CAMTA1: variants seen among roughly 807,000 people sequenced by gnomAD.
CAMTA1 encodes the protein calmodulin binding transcription activator 1.
Under a neutral mutation model 170.9 loss-of-function variants are expected in CAMTA1, and 27 were observed. The observed-to-expected ratio is 0.16, with a 90% CI of 0.12 to 0.22. The LOEUF is 0.22. Ranked by LOEUF, CAMTA1 falls within the 10% of genes least tolerant of loss-of-function variation. The pLI, the probability that CAMTA1 is intolerant of heterozygous loss-of-function variation, is 1.00. For missense variants in CAMTA1, 1,619 were observed against 2,217.2 expected (o/e 0.73, Z 5.42); for synonymous variants, 833 against 891.5 (o/e 0.93, Z 1.17).
intron 16 of CAMTA1, among the ~76,000 whole-genome samples, chr1:7,743,349 T>C (rs2096832086): frequency 6.6e-6 from 1 of 152,260 alleles, no homozygotes; most frequent in East Asian, 1.9e-4. Context: ...AATTTACGTA[T>C]GATAAAATTT....
chr1:7,206,807 G>A (rs1657822320), intron 4 of CAMTA1, among the ~76,000 whole-genome samples: 1 of 152,138 alleles, frequency 6.6e-6, no homozygotes, highest in South Asian at 2.1e-4. Flanking sequence ...TTGTCAGTCT[G>A]AGGGAGTGCA....
intron 5 of CAMTA1, among the ~76,000 whole-genome samples, chr1:7,392,524 G>A (rs1304343325): frequency 3.4e-5 from 5 of 148,748 alleles, no homozygotes; most frequent in Admixed American, 6.7e-5. Flanking sequence ...CAAAGTGCTG[G>A]GATTACAGGC....
chr1:7,353,903 T>C (rs532677747), intron 5 of CAMTA1, among the ~76,000 whole-genome samples: 1 of 152,244 alleles, frequency 6.6e-6, no homozygotes, highest in African/African-American at 2.4e-5. Flanking sequence ...ATCCTCACCT[T>C]CTGCCCACCC....
chr1:7,518,561 G>C (rs978810061), intron 6 of CAMTA1, among the ~76,000 whole-genome samples: 1 of 151,936 alleles, frequency 6.6e-6, no homozygotes. Context: ...GCGTGTTGTC[G>C]GGCCGCCTTG....
At chr1:7,198,026 A>T (rs577723255) in intron 4 of CAMTA1, among the ~76,000 whole-genome samples, 15 of 152,194 alleles carry the variant, frequency 9.9e-5, no homozygotes, top group African/African-American at 3.6e-4. Context: ...GGTTCGGGAG[A>T]CATCTGTTCT....
rs1258786488 is a variant in CAMTA1 at position 6,990,815 on chromosome 1, ATATATT to A, written c.235-100483_235-100478del. 4.6e-3 allele frequency among the ~76,000 whole-genome samples: 695 copies of A among 149,942 alleles called. 2 individuals carry two copies. The highest frequency in any genetic ancestry group is 8.0e-3 in the South Asian group (38 of 4,746). ...TCTCTCTCTCTCTCTCTATATATAT[ATATATT>A]TATATATATATGTGTGTGTGTGTTT... On this transcript the variant is annotated intron_variant, in intron 3 of 22. Coordinates refer to ENST00000303635, the MANE Select transcript of CAMTA1 (RefSeq NM_015215.4).
chr1:7,568,459 TCAC>T (rs2095074488), intron 6 of CAMTA1, among the ~76,000 whole-genome samples: 1 of 139,532 alleles, frequency 7.2e-6, no homozygotes, highest in Non-Finnish European at 1.5e-5. Flanking sequence ...CACATCACCA[TCAC>T]CACCAACAAC....
intron 4 of CAMTA1, among the ~76,000 whole-genome samples, chr1:7,112,585 G>C (rs545053431): frequency 2.6e-5 from 4 of 152,356 alleles, no homozygotes; most frequent in African/African-American, 9.6e-5. Flanking sequence ...CAGACACCCA[G>C]CGGATGTTGG....
At chr1:7,186,392 A>G (rs1233939564) in intron 4 of CAMTA1, among the ~76,000 whole-genome samples, 1 of 152,222 alleles carries the variant, frequency 6.6e-6, no homozygotes, top group Non-Finnish European at 1.5e-5. Context: ...TAGTGCTGGG[A>G]CCTGGACATA....
At chr1:7,237,368 G>A (rs532575570) in intron 4 of CAMTA1, among the ~76,000 whole-genome samples, 1 of 152,134 alleles carries the variant, frequency 6.6e-6, no homozygotes, top group African/African-American at 2.4e-5. Flanking sequence ...GCAAGTCCAC[G>A]GCTCACTGGA....
chr1:7,219,537 T>C (rs1660348394), intron 4 of CAMTA1: 1 of 129,078 alleles, frequency 7.7e-6, no homozygotes, highest in Non-Finnish European at 1.6e-5. Context: ...ATTTGAATTT[T>C]TTCTTAAAAA....
chr1:7,418,216 G>C (rs566143015), intron 5 of CAMTA1, among the ~76,000 whole-genome samples: 16 of 152,202 alleles, frequency 1.1e-4, no homozygotes, highest in African/African-American at 3.6e-4. Flanking sequence ...TTGTTGTTGA[G>C]ATGGAGTCTT....
intron 6 of CAMTA1, among the ~76,000 whole-genome samples, chr1:7,604,134 G>C (rs990462322): frequency 6.6e-6 from 1 of 152,150 alleles, no homozygotes; most frequent in Non-Finnish European, 1.5e-5. Context: ...TTCATTTCAA[G>C]TTTGATGAAT....
chr1:7,296,378 A>G (rs1673944061), intron 5 of CAMTA1, among the ~76,000 whole-genome samples: 1 of 152,232 alleles, frequency 6.6e-6, no homozygotes, highest in South Asian at 2.1e-4. Context: ...TAACTACCAC[A>G]GTGGACCATT....
At chr1:7,307,314 A>G (rs1675744497) in intron 5 of CAMTA1, among the ~76,000 whole-genome samples, 1 of 139,722 alleles carries the variant, frequency 7.2e-6, no homozygotes, top group Non-Finnish European at 1.5e-5. Flanking sequence ...ACCTTGCTAA[A>G]CTCACTTGAG....
intron 5 of CAMTA1, among the ~76,000 whole-genome samples, chr1:7,304,975 T>C (rs959781052): frequency 6.6e-6 from 1 of 152,098 alleles, no homozygotes; most frequent in Non-Finnish European, 1.5e-5. Context: ...AATATTTTTA[T>C]TTTTTTCTTA....
chr1:7,485,046 G>A (rs767942428), intron 6 of CAMTA1, among the ~76,000 whole-genome samples: 2 of 152,126 alleles, frequency 1.3e-5, no homozygotes, highest in Non-Finnish European at 2.9e-5. Context: ...CTCTGGGAAT[G>A]TCCCCAGAGC....
chr1:7,658,996 G>A (rs1017813263), intron 7 of CAMTA1, among the ~76,000 whole-genome samples: 2 of 152,192 alleles, frequency 1.3e-5, no homozygotes, highest in African/African-American at 4.8e-5. Context: ...TGGCAAACAG[G>A]TGCCACTCAG....
rs949691436 is a variant in CAMTA1 at position 7,248,494 on chromosome 1, A to G, written c.303-997A>G. Among the ~76,000 whole-genome samples, 3 of 152,194 alleles carry G rather than the reference A, an allele frequency of 2.0e-5. No homozygotes were observed. Among genetic ancestry groups the G allele is most frequent in the Admixed American group, 1.3e-4 (2 of 15,280 alleles). On this transcript the variant is annotated intron_variant, in intron 4 of 22. Coordinates refer to ENST00000303635, the MANE Select transcript of CAMTA1 (RefSeq NM_015215.4). This position sits in a 1 kb window ranked among gnomAD's most constrained non-coding sequence, Gnocchi z 4.0. ...ACGTTCAGGTGCAGAGTGGTGCAGC[A>G]CTGCGTGGGGTGCTGCTAGATTTTG...
Sources: allele counts gnomAD v4.1 joint callset (sites outside exome capture counted in the v4.1 genomes callset), GRCh38; gene constraint gnomAD v4.1.1; non-coding constraint Gnocchi (gnomAD v3.1); transcripts MANE v1.5; gene names NCBI Gene and HGNC (gene_info 2026-07-23, HGNC 2026-07-21).